Variants in MYRIP observed in about 807,000 individuals in gnomAD.
MYRIP encodes the protein myosin VIIA and Rab interacting protein.
Under a neutral mutation model 98.0 loss-of-function variants are expected in MYRIP, and 49 were observed. The ratio of observed to expected loss-of-function variants is 0.50; its 90% CI spans 0.40 to 0.63. The LOEUF is 0.63. MYRIP is among the 30% of genes least tolerant of loss of function. MYRIP has a pLI of 0.00. For synonymous variants in MYRIP, 404 were observed against 409.5 expected, an observed-to-expected ratio of 0.99 and a Z score of 0.16; for missense variants, 1,004 against 1,058.2, an observed-to-expected ratio of 0.95 and a Z score of 0.71.
intron 1 of MYRIP, among the ~76,000 whole-genome samples, chr3:39,852,485 C>T (rs983954617): frequency 6.6e-6 from 1 of 152,158 alleles, no homozygotes; most frequent in Non-Finnish European, 1.5e-5. Flanking sequence ...GTGCAACTGT[C>T]ACCTGAGCAG....
chr3:39,868,162 A>G (rs1340277257), intron 1 of MYRIP, among the ~76,000 whole-genome samples: 1 of 152,190 alleles, frequency 6.6e-6, no homozygotes, highest in African/African-American at 2.4e-5. Flanking sequence ...AGAGGATGGT[A>G]CCTAAGCATG....
rs1332448849 is a variant in MYRIP at position 40,151,186 on chromosome 3, T to C, written c.469+2T>C. 1.3e-6 allele frequency: 2 copies of C among 1,596,878 alleles called. No individual in the cohort carries two copies. The highest frequency in any genetic ancestry group is 8.5e-7 in the Non-Finnish European group (1 of 1,169,906). ...GTGGCGCGTGCTTCGACATTCTAGGTACTCTCACTTCCTGCCGCTCTGGGA... is the reference window on the plus strand; with the variant it reads ...GTGGCGCGTGCTTCGACATTCTAGGCACTCTCACTTCCTGCCGCTCTGGGA... On this transcript the variant is annotated splice_donor_variant, in intron 4 of 16. Coordinates refer to ENST00000302541, the MANE Select transcript of MYRIP (RefSeq NM_015460.4). LOFTEE classifies it high-confidence loss of function.
chr3:40,071,210 C>T (rs137987022), intron 3 of MYRIP: 4 of 985,222 alleles, frequency 4.1e-6, no homozygotes, highest in Non-Finnish European at 4.8e-6. Context: ...AGAAGTCCCT[C>T]AGGCCCATCG....
chr3:39,999,706 G>T (rs1049989190), intron 2 of MYRIP, among the ~76,000 whole-genome samples: 2 of 152,118 alleles, frequency 1.3e-5, no homozygotes, highest in African/African-American at 2.4e-5. Context: ...AAAACATGCT[G>T]CTATAAAGAC....
intron 11 of MYRIP, among the ~76,000 whole-genome samples, chr3:40,215,475 C>A (rs1432843681): frequency 6.6e-6 from 1 of 152,048 alleles, no homozygotes; most frequent in East Asian, 1.9e-4. Context: ...GATGGCTGCC[C>A]CCCAATTACT....
At chr3:40,001,320 T>A (rs1222744719) in intron 2 of MYRIP, among the ~76,000 whole-genome samples, 3 of 152,082 alleles carry the variant, frequency 2.0e-5, no homozygotes, top group East Asian at 3.9e-4. Flanking sequence ...CATGAGACAG[T>A]TTCTTAAATG....
In MYRIP at chr3:40,023,450, G is replaced by A. The variant is rs537589196; in HGVS notation, c.111-20600G>A. On this transcript the variant is annotated intron_variant, in intron 2 of 16. Transcript: ENST00000302541. ...GCAGGCTGCCCCAGACTTAGGGTTGGAAGAGGAGGAAAGAGTGTTTAAGTA... is the reference window on the plus strand; with the variant it reads ...GCAGGCTGCCCCAGACTTAGGGTTGAAAGAGGAGGAAAGAGTGTTTAAGTA... Among the ~76,000 whole-genome samples, 26 of 152,198 alleles carry A rather than the reference G, an allele frequency of 1.7e-4. 1 individual carries two copies. The South Asian group carries it at 4.6e-3, about 27-fold the overall frequency.
chr3:39,843,734 A>C (rs1384449023), intron 1 of MYRIP, among the ~76,000 whole-genome samples: 1 of 152,182 alleles, frequency 6.6e-6, no homozygotes, highest in Non-Finnish European at 1.5e-5. Context: ...CTATTCCAGG[A>C]AGAAATCACT....
chr3:39,842,825 T>C (rs1490855266), intron 1 of MYRIP, among the ~76,000 whole-genome samples: 2 of 152,210 alleles, frequency 1.3e-5, no homozygotes, highest in African/African-American at 4.8e-5. Flanking sequence ...ATGAACCATG[T>C]ACCTCAGTTG....
intron 2 of MYRIP, among the ~76,000 whole-genome samples, chr3:40,023,794 A>C (rs1257213011): frequency 6.6e-6 from 1 of 152,194 alleles, no homozygotes; most frequent in Non-Finnish European, 1.5e-5. Context: ...CCAACAGTTA[A>C]TATCTCAGAG....
chr3:40,066,129 A>C (rs746593872), intron 3 of MYRIP, among the ~76,000 whole-genome samples: 7 of 152,172 alleles, frequency 4.6e-5, no homozygotes, highest in African/African-American at 7.2e-5. Context: ...GTTGCTCGTC[A>C]TTTCAGAGAA....
At chr3:40,254,734 C>G (rs750603749) in intron 16 of MYRIP, among the ~76,000 whole-genome samples, 1 of 152,010 alleles carries the variant, frequency 6.6e-6, no homozygotes, top group Non-Finnish European at 1.5e-5. Context: ...ATTTGGGAAC[C>G]CCCCCAGATT....
At chr3:39,966,774 G>A (rs28633188) in intron 2 of MYRIP, among the ~76,000 whole-genome samples, 210 of 152,252 alleles carry the variant, frequency 1.4e-3, no homozygotes, top group African/African-American at 4.7e-3. Context: ...GAAGAAATAC[G>A]GTACCCTGAT....
intron 3 of MYRIP, among the ~76,000 whole-genome samples, chr3:40,102,535 G>A (rs76636847): frequency 0.016 from 2,384 of 152,298 alleles, 68 homozygotes; most frequent in African/African-American, 0.054. Context: ...GACAGCAGAA[G>A]TAAATGTGTG....
chr3:40,054,929 A>G (rs1400254478), intron 3 of MYRIP, among the ~76,000 whole-genome samples: 1 of 152,206 alleles, frequency 6.6e-6, no homozygotes, highest in Non-Finnish European at 1.5e-5. Flanking sequence ...CTCACTATAG[A>G]TTCATGGACC....
At chr3:39,932,648 A>G (rs1033367701) in intron 2 of MYRIP, among the ~76,000 whole-genome samples, 1 of 152,132 alleles carries the variant, frequency 6.6e-6, no homozygotes, top group Non-Finnish European at 1.5e-5. Flanking sequence ...GCCTCCCAAC[A>G]CAAGATGAGT....
chr3:40,156,312 G>T (rs990975177), intron 4 of MYRIP, among the ~76,000 whole-genome samples: 2 of 152,110 alleles, frequency 1.3e-5, no homozygotes, highest in Non-Finnish European at 2.9e-5. Context: ...TAGATATGCG[G>T]CATTATTTCT....
At chr3:40,057,231 G>T (rs1575501674) in intron 3 of MYRIP, among the ~76,000 whole-genome samples, 1 of 152,142 alleles carries the variant, frequency 6.6e-6, no homozygotes, top group African/African-American at 2.4e-5. Flanking sequence ...CCTCAATTAA[G>T]ATTTTGGAGA....
At chr3:40,216,221 C>A (rs180704849) in intron 11 of MYRIP, among the ~76,000 whole-genome samples, 1 of 152,246 alleles carries the variant, frequency 6.6e-6, no homozygotes, top group East Asian at 1.9e-4. Flanking sequence ...GAATGAGATG[C>A]TGGACAGAAA....
Sources: allele counts gnomAD v4.1 joint callset (sites outside exome capture counted in the v4.1 genomes callset), GRCh38; gene constraint gnomAD v4.1.1; transcripts MANE v1.5; gene names NCBI Gene and HGNC (gene_info 2026-07-23, HGNC 2026-07-21).